The following MACROD2 variants were observed in gnomAD, a reference collection of about 807,000 sequenced individuals.
The protein encoded by MACROD2 is mono-ADP ribosylhydrolase 2, also known as ADP-ribose glycohydrolase MACROD2.
In MACROD2, 36 loss-of-function variants were observed where a neutral mutation model predicts 70.4. That is an observed-to-expected ratio of 0.51 (90% CI 0.39 to 0.68). MACROD2 has a LOEUF of 0.68. MACROD2 is among the 30% of genes least tolerant of loss of function. The pLI, the probability that MACROD2 is intolerant of heterozygous loss-of-function variation, is 0.00. For missense variants in MACROD2, 496 were observed against 538.4 expected (o/e 0.92, Z 0.78); for synonymous variants, 172 against 178.8 (o/e 0.96, Z 0.30).
chr20:14,394,371 A>G (rs1468929779), intron 3 of MACROD2, among the ~76,000 whole-genome samples: 1 of 152,148 alleles, frequency 6.6e-6, no homozygotes, highest in East Asian at 1.9e-4. Flanking sequence ...TTTTGATGCT[A>G]TGGTAAATGG....
intron 2 of MACROD2, among the ~76,000 whole-genome samples, chr20:14,079,511 C>G (rs932054922): frequency 6.6e-6 from 1 of 152,054 alleles, no homozygotes; most frequent in African/African-American, 2.4e-5. Context: ...TAACTCATGA[C>G]AATTTAGTAG....
intron 5 of MACROD2, among the ~76,000 whole-genome samples, chr20:14,985,285 C>G (rs1407314349): frequency 6.6e-6 from 1 of 152,200 alleles, no homozygotes; most frequent in East Asian, 1.9e-4. Context: ...AACACTGGTC[C>G]TGAACTTTGC....
chr20:14,836,878 G>T (rs1271061469), intron 5 of MACROD2, among the ~76,000 whole-genome samples: 1 of 152,018 alleles, frequency 6.6e-6, no homozygotes, highest in Non-Finnish European at 1.5e-5. Context: ...CTGAACATAT[G>T]CCAATTGATA....
chr20:15,029,457 A>C (rs2122991152), intron 5 of MACROD2, among the ~76,000 whole-genome samples: 1 of 152,338 alleles, frequency 6.6e-6, no homozygotes, highest in East Asian at 1.9e-4. Context: ...GCCTATCCAC[A>C]GACTTTCTGA....
At chr20:14,574,552 A>G (rs976250474) in intron 4 of MACROD2, among the ~76,000 whole-genome samples, 1 of 152,026 alleles carries the variant, frequency 6.6e-6, no homozygotes, top group African/African-American at 2.4e-5. Context: ...CTTGCCCCCT[A>G]GTATTCTGGC....
chr20:14,627,096 G>T (rs1224822301), intron 4 of MACROD2: 1 of 152,348 alleles, frequency 6.6e-6, no homozygotes, highest in Non-Finnish European at 1.5e-5. Context: ...TCGAGGACCT[G>T]CTCCCAGAGA....
intron 6 of MACROD2, among the ~76,000 whole-genome samples, chr20:15,250,031 C>T (rs1261682423): frequency 6.6e-6 from 1 of 152,166 alleles, no homozygotes; most frequent in African/African-American, 2.4e-5. Context: ...ATTTCTTTAC[C>T]TAAGGCCCTG....
chr20:14,147,535 G>A (rs1364837458), intron 3 of MACROD2, among the ~76,000 whole-genome samples: 1 of 152,138 alleles, frequency 6.6e-6, no homozygotes, highest in East Asian at 1.9e-4. Flanking sequence ...AGGGGATGGG[G>A]ATACAAAGAT....
At chr20:14,607,100 T>C (rs1284039663) in intron 4 of MACROD2, among the ~76,000 whole-genome samples, 2 of 152,160 alleles carry the variant, frequency 1.3e-5, no homozygotes, top group Non-Finnish European at 2.9e-5. Context: ...TTTGGTAAAC[T>C]GAATTTCGTC....
At chr20:15,622,664 T>G (rs2049145015) in intron 8 of MACROD2, among the ~76,000 whole-genome samples, 1 of 152,144 alleles carries the variant, frequency 6.6e-6, no homozygotes, top group Admixed American at 6.5e-5. Context: ...TTCTGCAGTT[T>G]CCCATTTATT....
chr20:15,247,762 A>G (rs1371858062), intron 6 of MACROD2, among the ~76,000 whole-genome samples: 2 of 152,070 alleles, frequency 1.3e-5, no homozygotes, highest in East Asian at 3.9e-4. Context: ...CAGTGACACA[A>G]TCTCAGCTCA....
At chr20:14,638,245 T>A (rs1984892625) in intron 4 of MACROD2, among the ~76,000 whole-genome samples, 1 of 152,330 alleles carries the variant, frequency 6.6e-6, no homozygotes, top group African/African-American at 2.4e-5. Flanking sequence ...GATGATTTTT[T>A]AAAATATTAT....
chr20:14,041,850 C>CA (rs2053395754), intron 2 of MACROD2, among the ~76,000 whole-genome samples: 1 of 152,060 alleles, frequency 6.6e-6, no homozygotes, highest in Admixed American at 6.5e-5. Context: ...ACACTAAGAG[C>CA]AGAGTCTGCT....
At chr20:15,164,520 A>G (rs761910189) in intron 5 of MACROD2, among the ~76,000 whole-genome samples, 48 of 152,330 alleles carry the variant, frequency 3.2e-4, no homozygotes, top group Non-Finnish European at 5.1e-4. Context: ...AATCCTTGAG[A>G]TGCAATCAAG....
chr20:14,238,841 A>G (rs1486750639), intron 3 of MACROD2, among the ~76,000 whole-genome samples: 1 of 152,014 alleles, frequency 6.6e-6, no homozygotes, highest in African/African-American at 2.4e-5. Flanking sequence ...AGCCTGGCCA[A>G]TATGGTAAAA....
At chr20:15,799,857 C>A (rs749363625) in intron 8 of MACROD2, among the ~76,000 whole-genome samples, 1 of 152,154 alleles carries the variant, frequency 6.6e-6, no homozygotes, top group Non-Finnish European at 1.5e-5. Flanking sequence ...TATTGTTTTG[C>A]ATAATGGCTA....
intron 3 of MACROD2, among the ~76,000 whole-genome samples, chr20:14,136,530 G>C (rs958119067): frequency 6.6e-6 from 1 of 152,030 alleles, no homozygotes; most frequent in East Asian, 1.9e-4. Flanking sequence ...GTAAGGCAGC[G>C]GTTCTCCAAG....
chr20:15,807,574 G>C (rs1212216180), intron 8 of MACROD2, among the ~76,000 whole-genome samples: 1 of 152,102 alleles, frequency 6.6e-6, no homozygotes, highest in Non-Finnish European at 1.5e-5. Flanking sequence ...TGTTGTAAAA[G>C]ACACTGTGAA....
At chr20:14,454,183 T>A (rs2084274298) in intron 3 of MACROD2, among the ~76,000 whole-genome samples, 1 of 151,986 alleles carries the variant, frequency 6.6e-6, no homozygotes, top group African/African-American at 2.4e-5. Context: ...GGATGAAAAA[T>A]TGTTGTATGT....
Sources: gnomAD v4.1 joint callset for allele counts (sites outside exome capture counted in the v4.1 genomes callset) on GRCh38, gnomAD v4.1.1 for gene constraint, MANE v1.5 for transcripts, NCBI Gene and HGNC (gene_info 2026-07-23, HGNC 2026-07-21) for gene names.